CACNA1C: variants seen among roughly 807,000 people sequenced by gnomAD.
CACNA1C encodes voltage-dependent L-type calcium channel subunit alpha-1C.
CACNA1C carries 30 observed loss-of-function variants against 229.0 expected under a neutral mutation model. The observed-to-expected ratio is 0.13, with a 90% confidence interval of 0.10 to 0.18. CACNA1C has a LOEUF of 0.18. Among genes scored for constraint, CACNA1C ranks in the 10% least tolerant of loss-of-function variants. The pLI is 1.00. For missense variants in CACNA1C, 1,658 were observed against 2,845.0 expected (o/e 0.58, Z 9.49); for synonymous variants, 1,114 against 1,132.5 (o/e 0.98, Z 0.33).
intron 3 of CACNA1C, among the ~76,000 whole-genome samples, chr12:2,341,868 C>A (rs937927874): frequency 6.6e-5 from 10 of 152,202 alleles, no homozygotes; most frequent in African/African-American, 2.4e-4. Flanking sequence ...GCAGCTTAAC[C>A]TTAGTGGATT....
At chr12:2,527,943 G>C (rs1216358664) in intron 9 of CACNA1C, among the ~76,000 whole-genome samples, 1 of 152,172 alleles carries the variant, frequency 6.6e-6, no homozygotes, top group Non-Finnish European at 1.5e-5. Context: ...AAACTGCAGA[G>C]TTTCTTCTTG....
rs1004808405 is a variant in CACNA1C, at chr12:2,601,507, C to A, written c.2854-347C>A. 3.9e-5 allele frequency among the ~76,000 whole-genome samples: 6 copies of A among 152,154 alleles called. No individual in the cohort carries two copies. Among genetic ancestry groups the A allele is most frequent in the African/African-American group, 1.4e-4 (6 of 41,422 alleles). On this transcript the variant is annotated intron_variant, in intron 21 of 46. Transcript: ENST00000399655. This position sits in a 1 kb window ranked among gnomAD's most constrained non-coding sequence, Gnocchi z 5.9. ...AACCCGACAGCATCAGGAAAGGACC[C>A]TGCAGGCCCAAAGCCATGGACTTGG...
At chr12:2,555,099 C>T (rs1431691710) in intron 10 of CACNA1C, among the ~76,000 whole-genome samples, 1 of 152,218 alleles carries the variant, frequency 6.6e-6, no homozygotes, top group Non-Finnish European at 1.5e-5. Context: ...TGCCCGGATG[C>T]CACAGAAGGA....
At chr12:2,004,248 C>T in intron 1 of CACNA1C, 5 of 1,611,454 alleles carry the variant, frequency 3.1e-6, no homozygotes, top group Non-Finnish European at 4.2e-6. Context: ...CACCCCAACC[C>T]TGGGCTGCAC....
chr12:2,144,286 G>A (rs1388909183), intron 3 of CACNA1C, among the ~76,000 whole-genome samples: 1 of 151,372 alleles, frequency 6.6e-6, no homozygotes, highest in African/African-American at 2.4e-5. Flanking sequence ...GAAGGGTGTA[G>A]AAGAATTGTC....
chr12:2,367,872 A>C (rs1156320211), intron 3 of CACNA1C, among the ~76,000 whole-genome samples: 1 of 152,168 alleles, frequency 6.6e-6, no homozygotes, highest in African/African-American at 2.4e-5. Context: ...GAAGAACATT[A>C]AAGTTAAAAA....
intron 1 of CACNA1C, among the ~76,000 whole-genome samples, chr12:2,102,078 T>G (rs1276275150): frequency 6.6e-6 from 1 of 152,176 alleles, no homozygotes; most frequent in Non-Finnish European, 1.5e-5. Context: ...AAACAAAGGC[T>G]CATGCTTCCT....
intron 3 of CACNA1C, among the ~76,000 whole-genome samples, chr12:2,362,615 C>T (rs2097586299): frequency 6.6e-6 from 1 of 152,176 alleles, no homozygotes; most frequent in South Asian, 2.1e-4. Flanking sequence ...AAGCAGAGCC[C>T]CGTTCTGATC....
At position 2,606,371 on chromosome 12, in the gene CACNA1C, G is replaced by A. The variant is rs142363283; in HGVS notation, c.3157-240G>A. Among the ~76,000 whole-genome samples, 487 of 152,074 alleles carry A rather than the reference G, an allele frequency of 3.2e-3. 2 individuals carry two copies. The highest frequency in any genetic ancestry group is 4.9e-3 in the Admixed American group (75 of 15,282). On this transcript the variant is annotated intron_variant, in intron 24 of 46. Transcript: ENST00000399655. ...TCTCCCTCCCTGGCGAGACCTCCCC[G>A]GAGAGTACAGCTCCCATGGACCCGA... is the stretch of plus-strand genomic sequence containing the variant.
chr12:2,243,999 A>G (rs1237686165), intron 3 of CACNA1C, among the ~76,000 whole-genome samples: 1 of 152,242 alleles, frequency 6.6e-6, no homozygotes, highest in East Asian at 1.9e-4. Context: ...TGGATATAGA[A>G]CTGAGTTATG....
intron 9 of CACNA1C, among the ~76,000 whole-genome samples, chr12:2,528,896 T>C (rs1314791647): frequency 6.6e-6 from 1 of 152,194 alleles, no homozygotes; most frequent in African/African-American, 2.4e-5. Context: ...TTGGGCCCTC[T>C]GATGCCAAAA....
chr12:2,594,951 A>G (rs937221225), intron 19 of CACNA1C, among the ~76,000 whole-genome samples: 2 of 152,218 alleles, frequency 1.3e-5, no homozygotes, highest in East Asian at 3.8e-4. Flanking sequence ...TCTTCAAGCA[A>G]TTCTGCCCTC....
At chr12:2,381,352 C>T (rs1168787235) in intron 3 of CACNA1C, among the ~76,000 whole-genome samples, 1 of 152,208 alleles carries the variant, frequency 6.6e-6, no homozygotes, top group Non-Finnish European at 1.5e-5. Context: ...TCTTCCTCTT[C>T]CCGATTATGA....
chr12:2,551,104 C>T (rs2099900918), intron 10 of CACNA1C, among the ~76,000 whole-genome samples: 1 of 152,156 alleles, frequency 6.6e-6, no homozygotes, highest in Non-Finnish European at 1.5e-5. Context: ...CAAACAGCAA[C>T]TCTAGGGAAA....
chr12:1,995,847 TACTTCAGACA>T (rs916163772), intron 1 of CACNA1C, among the ~76,000 whole-genome samples: 1 of 152,180 alleles, frequency 6.6e-6, no homozygotes, highest in Non-Finnish European at 1.5e-5. Flanking sequence ...ACTACCAAAT[TACTTCAGACA>T]ACTCTAAACC....
chr12:1,994,893 C>T (rs1360192245), intron 1 of CACNA1C, among the ~76,000 whole-genome samples: 1 of 151,942 alleles, frequency 6.6e-6, no homozygotes, highest in African/African-American at 2.4e-5. Context: ...AGCTCCATTC[C>T]CTGTAACAAG....
intron 3 of CACNA1C, among the ~76,000 whole-genome samples, chr12:2,192,948 T>A (rs2097286024): frequency 6.6e-6 from 1 of 152,224 alleles, no homozygotes. Context: ...CAGGTACAAA[T>A]GGGAAGAGAA....
At chr12:2,191,765 C>T (rs1179824605) in intron 3 of CACNA1C, among the ~76,000 whole-genome samples, 3 of 151,738 alleles carry the variant, frequency 2.0e-5, no homozygotes, top group African/African-American at 7.3e-5. Context: ...CACACAGGCA[C>T]ACCTCCACAG....
chr12:2,605,954 C>T lies in CACNA1C; in HGVS notation c.3156+168C>T, dbSNP rs755734994. 1.1e-4 allele frequency among the ~76,000 whole-genome samples: 16 copies of T among 152,176 alleles called. No homozygotes were observed. The highest frequency in any genetic ancestry group is 1.5e-5 in the Non-Finnish European group (1 of 68,028). The stretch of plus-strand genomic sequence containing the variant: ...CAACCTTCAGACCAGGGTAGGGAGG[C>T]GCTAGAAGGAGGCATCGGGCCACCA... On this transcript the variant is annotated intron_variant, in intron 24 of 46. Transcript: ENST00000399655. The surrounding 1 kb of genome is among the most constrained non-coding windows in gnomAD (Gnocchi z 6.2).
Sources: gnomAD v4.1 joint callset for allele counts (sites outside exome capture counted in the v4.1 genomes callset) on GRCh38, gnomAD v4.1.1 for gene constraint, Gnocchi (gnomAD v3.1) non-coding constraint, MANE v1.5 for transcripts, NCBI Gene and HGNC (gene_info 2026-07-23, HGNC 2026-07-21) for gene names.